KCNK2: variants seen among roughly 807,000 people sequenced by gnomAD.
The protein encoded by KCNK2 is potassium two pore domain channel subfamily K member 2.
In KCNK2, 21 loss-of-function variants were observed where a neutral mutation model predicts 40.5. The ratio of observed to expected loss-of-function variants is 0.52; its 90% CI spans 0.37 to 0.75. The LOEUF is 0.75. Among genes scored for constraint, KCNK2 ranks in the 30% least tolerant of loss-of-function variants. The probability of loss-of-function intolerance (pLI) is 0.00; values close to 1 mark genes in which losing one functional copy is unlikely to be tolerated. For missense variants in KCNK2, 399 were observed against 531.6 expected (o/e 0.75, Z 2.45); for synonymous variants, 191 against 202.2 (o/e 0.94, Z 0.47).
chr1:215,177,949 T>G (rs192540649), intron 5 of KCNK2, among the ~76,000 whole-genome samples: 1 of 151,596 alleles, frequency 6.6e-6, no homozygotes, highest in East Asian at 1.9e-4. Flanking sequence ...TAGCGTTGAG[T>G]CTATAGATTG....
chr1:215,154,373 G>A (rs1662817485), intron 3 of KCNK2, among the ~76,000 whole-genome samples: 1 of 151,630 alleles, frequency 6.6e-6, no homozygotes, highest in African/African-American at 2.4e-5. Flanking sequence ...TCATATGTGT[G>A]TTAGCTGTAT....
chr1:215,019,155 A>G (rs906593498), intron 1 of KCNK2, among the ~76,000 whole-genome samples: 2 of 152,214 alleles, frequency 1.3e-5, no homozygotes, highest in African/African-American at 4.8e-5. Flanking sequence ...TGTAATGTTT[A>G]TACTTATAAT....
At chr1:215,078,290 G>A (rs144600359), upstream of KCNK2, among the ~76,000 whole-genome samples, 3 of 152,302 alleles carry the variant, frequency 2.0e-5, no homozygotes, top group East Asian at 5.8e-4. Flanking sequence ...AGCTCCCCTG[G>A]TTCATATGGT....
chr1:215,007,300 G>A lies in KCNK2; in HGVS notation c.34+1345G>A, dbSNP rs779540172. 4.4e-4 allele frequency among the ~76,000 whole-genome samples: 64 copies of A among 144,992 alleles called. 1 individual carries two copies. The highest frequency in any genetic ancestry group is 8.1e-4 in the Non-Finnish European group (54 of 66,686). On this transcript the variant is annotated intron_variant, in intron 1 of 6. Transcript: ENST00000391895. ...TTGGGACTTGGGATCAGCACTTCTG[G>A]AGCCCCCTTTGCTGAGGGTTGATGG...
intron 6 of KCNK2, among the ~76,000 whole-genome samples, chr1:215,211,779 A>G (rs574955881): frequency 9.2e-5 from 14 of 152,234 alleles, no homozygotes; most frequent in Middle Eastern, 3.4e-3. Flanking sequence ...TTTCATGCTT[A>G]TTTTCAATAT....
At chr1:215,228,149 T>C (rs1335975969) in intron 6 of KCNK2, among the ~76,000 whole-genome samples, 1 of 152,004 alleles carries the variant, frequency 6.6e-6, no homozygotes, top group Admixed American at 6.6e-5. Context: ...ATCGGAAGGA[T>C]GTGATTATCC....
At chr1:215,086,791 C>T in intron 2 of KCNK2, 113 bp downstream of exon 2, 2 of 902,414 alleles carry the variant, frequency 2.2e-6, no homozygotes, top group Middle Eastern at 2.3e-4. Flanking sequence ...AGCCCTATCC[C>T]ACCTCATTTG....
chr1:215,083,311 A>G lies in KCNK2; in HGVS notation c.-75A>G, dbSNP rs2102526258. ...GCAGCCCGTCTCTGAATAAGAAGTG[A>G]GTACAATGGCGTGTTTGTAAAAAAA... On this transcript the variant is annotated 5_prime_UTR_variant, in exon 1 of 7. Transcript: ENST00000444842. The G allele has an allele frequency of 6.2e-7, 1 of 1,606,040 alleles. No individual in the cohort carries two copies. Among genetic ancestry groups the G allele is most frequent in the East Asian group, 2.3e-5 (1 of 44,224 alleles).
At chr1:215,019,681 C>T (rs996595042) in intron 1 of KCNK2, among the ~76,000 whole-genome samples, 6 of 152,188 alleles carry the variant, frequency 3.9e-5, no homozygotes, top group Non-Finnish European at 8.8e-5. Context: ...AGAATTGCCA[C>T]ATACAATCCT....
upstream of KCNK2, among the ~76,000 whole-genome samples, chr1:215,081,555 G>T (rs190767529): frequency 1.9e-4 from 29 of 152,088 alleles, no homozygotes; most frequent in African/African-American, 6.3e-4. Flanking sequence ...TATCATTGAC[G>T]GTAACAGTTT....
Position 215,007,175 on chromosome 1 carries a change from A to ATATG in KCNK2, c.34+1221_34+1222insATGT, listed in dbSNP as rs1395819276. On this transcript the variant is annotated intron_variant, in intron 1 of 6. Transcript: ENST00000391895. ...TATATATGTATGTATATATATATGT[A>ATATG]TGTGTGTGGGTATATATATATATAT... is the stretch of plus-strand genomic sequence containing the variant. Among the ~76,000 whole-genome samples the ATATG allele has an allele frequency of 4.0e-4, 30 of 74,330 alleles. 1 individual carries two copies. The highest frequency in any genetic ancestry group is 2.0e-3 in the African/African-American group (29 of 14,550). The allele number at this position is 74,330 out of a possible 152,430, so 48.8% of individuals were successfully genotyped here.
At chr1:215,225,784 A>G (rs1253166333) in intron 6 of KCNK2, among the ~76,000 whole-genome samples, 1 of 152,220 alleles carries the variant, frequency 6.6e-6, no homozygotes, top group East Asian at 1.9e-4. Context: ...TTAAATTACT[A>G]TACTCACAGC....
intron 6 of KCNK2, among the ~76,000 whole-genome samples, chr1:215,223,275 A>G (rs532895017): frequency 2.1e-5 from 3 of 144,246 alleles, no homozygotes; most frequent in African/African-American, 5.1e-5. Flanking sequence ...CAAAACTCTT[A>G]CAAGTATTAT....
chr1:215,151,426 A>C (rs1274303639), intron 3 of KCNK2, among the ~76,000 whole-genome samples: 3 of 152,098 alleles, frequency 2.0e-5, no homozygotes, highest in Non-Finnish European at 4.4e-5. Context: ...ACCCTGTCCA[A>C]TACCATATTG....
chr1:215,086,146 T>C (rs765374519), intron 1 of KCNK2, among the ~76,000 whole-genome samples: 8 of 152,190 alleles, frequency 5.3e-5, no homozygotes, highest in Non-Finnish European at 1.2e-4. Flanking sequence ...TCCTCTCATT[T>C]TGAACTCCAA....
rs545487484 is a variant in KCNK2, at chr1:215,122,265, AT to A, written c.358-2367del. Among the ~76,000 whole-genome samples, 227 of 152,286 alleles carry A rather than the reference AT, an allele frequency of 1.5e-3. 1 individual carries two copies. In the South Asian group the frequency reaches 0.017, roughly 11 times the overall value. Reference sequence around the variant, plus strand: ...TTTCATCTATTTCCAAACATTTAACATATGTGAAGTATTCAACATATTTCAA... The same window carrying A: ...TTTCATCTATTTCCAAACATTTAACAATGTGAAGTATTCAACATATTTCAA... On this transcript the variant is annotated intron_variant, in intron 2 of 6. Transcript: ENST00000444842.
At chr1:215,216,131 A>G (rs1665947397) in intron 6 of KCNK2, among the ~76,000 whole-genome samples, 1 of 152,002 alleles carries the variant, frequency 6.6e-6, no homozygotes, top group Non-Finnish European at 1.5e-5. Flanking sequence ...GCATTATTAG[A>G]CCCTCACTGC....
At chr1:215,109,650 T>G (rs567531160) in intron 2 of KCNK2, among the ~76,000 whole-genome samples, 1 of 152,186 alleles carries the variant, frequency 6.6e-6, no homozygotes, top group East Asian at 1.9e-4. Context: ...GATTCCATAT[T>G]TTTGCTGTTG....
chr1:215,173,972 T>G (rs1439210424), intron 5 of KCNK2, among the ~76,000 whole-genome samples: 3 of 152,214 alleles, frequency 2.0e-5, no homozygotes, highest in African/African-American at 2.4e-5. Context: ...CTCTTGAGTT[T>G]AATTAGATCC....
Sources: allele counts gnomAD v4.1 joint callset (sites outside exome capture counted in the v4.1 genomes callset), GRCh38; gene constraint gnomAD v4.1.1; transcripts MANE v1.5; gene names NCBI Gene and HGNC (gene_info 2026-07-23, HGNC 2026-07-21).